The following PAAF1 variants were observed in gnomAD, a reference collection of about 807,000 sequenced individuals.
PAAF1 encodes the protein proteasomal ATPase associated factor 1, also known as proteasomal ATPase-associated factor 1.
A neutral mutation model predicts 52.8 loss-of-function variants in PAAF1; 46 were observed. The observed-to-expected ratio is 0.87, with a 90% CI of 0.69 to 1.11. The LOEUF is 1.11. Ranked by LOEUF, PAAF1 falls within the 50% of genes most tolerant of loss-of-function variation. The pLI, the probability that PAAF1 is intolerant of heterozygous loss-of-function variation, is 0.00. For synonymous variants in PAAF1, 178 were observed against 172.8 expected (o/e 1.03, Z -0.24); for missense variants, 424 against 477.4 (o/e 0.89, Z 1.04).
intron 4 of PAAF1, among the ~76,000 whole-genome samples, chr11:73,897,902 T>C (rs1275232428): frequency 6.6e-6 from 1 of 152,028 alleles, no homozygotes. Context: ...CATTGAGCAC[T>C]GAGTGAACGA....
At chr11:73,897,721 C>T (rs1565134792) in intron 4 of PAAF1, among the ~76,000 whole-genome samples, 1 of 151,934 alleles carries the variant, frequency 6.6e-6, no homozygotes, top group African/African-American at 2.4e-5. Flanking sequence ...CAGAGGGGCT[C>T]CTCACATCCC....
intron 4 of PAAF1, among the ~76,000 whole-genome samples, chr11:73,892,315 A>G (rs1949221730): frequency 7.0e-6 from 1 of 142,522 alleles, no homozygotes; most frequent in South Asian, 2.3e-4. Flanking sequence ...AGAATGAGAC[A>G]CTGTCTCACC....
Position 73,887,423 on chromosome 11 carries a change from C to T in PAAF1, c.158C>T (p.Ala53Val), listed in dbSNP as rs17850051. 4.3e-6 allele frequency: 7 copies of T among 1,609,564 alleles called. No homozygotes were observed. In the African/African-American group the frequency reaches 8.0e-5, roughly 18 times the overall value. ...IGLDGIPEVT[A>V]SEGFTVNEIN... ...CTAGATGGCATCCCAGAGGTTACAG[C>T]TTCAGAAGGATTTACTGTGAATGAA... Residue 53 changes from alanine (A) to valine (V), a missense_variant, in exon 3 of 12, where the codon GCT becomes GTT. Transcript: ENST00000310571.
intron 4 of PAAF1, among the ~76,000 whole-genome samples, chr11:73,897,801 A>G (rs907825915): frequency 1.3e-5 from 2 of 152,142 alleles, no homozygotes; most frequent in African/African-American, 4.8e-5. Context: ...AGAGGCTGCA[A>G]TCTCGGCACT....
chr11:73,901,729 C>G (rs1401083598), intron 6 of PAAF1, among the ~76,000 whole-genome samples: 2 of 152,080 alleles, frequency 1.3e-5, no homozygotes, highest in East Asian at 3.9e-4. Flanking sequence ...CGCCCCACAC[C>G]TGGCTAATTT....
intron 9 of PAAF1, among the ~76,000 whole-genome samples, chr11:73,918,688 G>A (rs1950136087): frequency 6.6e-6 from 1 of 151,756 alleles, no homozygotes; most frequent in Admixed American, 6.6e-5. Context: ...TGCTAATATT[G>A]TTATCTTCAA....
At chr11:73,885,882 A>C (rs1343019995) in intron 2 of PAAF1, among the ~76,000 whole-genome samples, 1 of 151,898 alleles carries the variant, frequency 6.6e-6, no homozygotes, top group Non-Finnish European at 1.5e-5. Flanking sequence ...TCTTGTGTGA[A>C]TCCATGATGA....
intron 4 of PAAF1, among the ~76,000 whole-genome samples, chr11:73,895,013 A>G (rs1949305985): frequency 6.6e-6 from 1 of 152,114 alleles, no homozygotes; most frequent in Non-Finnish European, 1.5e-5. Flanking sequence ...CTCCTTTTCT[A>G]TTTCTTATTC....
intron 11 of PAAF1, 101 bp from the exon 12 acceptor site, chr11:73,927,184 C>T (rs1339882970): frequency 4.5e-6 from 4 of 885,428 alleles, no homozygotes; most frequent in Non-Finnish European, 7.4e-6. Context: ...ATAAAGCCTT[C>T]TCAGACTCCA....
chr11:73,906,212 C>T (rs1048964383), intron 6 of PAAF1, among the ~76,000 whole-genome samples: 2 of 152,142 alleles, frequency 1.3e-5, no homozygotes, highest in South Asian at 2.1e-4. Context: ...TTACATTTAC[C>T]TAACAACCGT....
intron 6 of PAAF1, among the ~76,000 whole-genome samples, chr11:73,908,361 GTATA>G (rs528147180): frequency 1.5e-5 from 2 of 136,800 alleles, no homozygotes; most frequent in African/African-American, 6.0e-5. Flanking sequence ...ATATATGTGT[GTATA>G]TATATATGTA....
intron 8 of PAAF1, among the ~76,000 whole-genome samples, chr11:73,916,247 ATTT>A (rs1215480948): frequency 6.6e-6 from 1 of 152,104 alleles, no homozygotes; most frequent in Non-Finnish European, 1.5e-5. Flanking sequence ...CAAAGAAGGA[ATTT>A]TGGTGGTGAG....
chr11:73,919,077 G>C (rs758147099), intron 10 of PAAF1, 45 bp downstream of exon 10: 4 of 1,518,840 alleles, frequency 2.6e-6, no homozygotes, highest in Non-Finnish European at 3.6e-6. Context: ...CTGTAGTTCA[G>C]TTAATTAAAC....
At chr11:73,924,812 G>C in intron 11 of PAAF1, 115 bp downstream of exon 11, 3 of 777,062 alleles carry the variant, frequency 3.9e-6, no homozygotes, top group Non-Finnish European at 6.4e-6. Context: ...AGTGCTTATT[G>C]TATAAGCAGT....
chr11:73,910,266 C>T (rs552400625), intron 7 of PAAF1, among the ~76,000 whole-genome samples: 29 of 152,130 alleles, frequency 1.9e-4, no homozygotes, highest in African/African-American at 6.5e-4. Flanking sequence ...TTCAGAGGGA[C>T]GGAGTGTTCC....
chr11:73,879,264 T>C (rs1948827333), intron 2 of PAAF1: 1 of 152,420 alleles, frequency 6.6e-6, no homozygotes, highest in Non-Finnish European at 1.5e-5. Context: ...AAAACCAAGC[T>C]AAGTACATTT....
chr11:73,904,735 AAACT>A (rs1949714507), intron 6 of PAAF1, among the ~76,000 whole-genome samples: 1 of 151,428 alleles, frequency 6.6e-6, no homozygotes, highest in African/African-American at 2.4e-5. Flanking sequence ...TATGATAGAG[AAACT>A]AAATAAATAC....
In PAAF1 at chr11:73,900,414, A is replaced by C; in HGVS notation, c.526A>C (p.Lys176Gln). The change falls in exon 6 of 12, where the codon AAA becomes CAA. Residue 176 changes from lysine (K) to glutamine (Q), a missense_variant. Coordinates refer to ENST00000310571, the MANE Select transcript of PAAF1 (RefSeq NM_025155.3). ...CTGCGTGGTGACCTTCAAAGGTCAC[A>C]AAGGAGGTATGAAGTGTGCTTTCTC... ...ASCVVTFKGHKGGILDTAIVD... is the reference protein window; with the variant it reads ...ASCVVTFKGHQGGILDTAIVD... The C allele has an allele frequency of 1.9e-6, 3 of 1,606,436 alleles. No individual in the cohort carries two copies. In the South Asian group the frequency reaches 3.3e-5, roughly 18 times the overall value.
intron 2 of PAAF1, among the ~76,000 whole-genome samples, chr11:73,884,709 T>A (rs1949011670): frequency 6.6e-6 from 1 of 152,162 alleles, no homozygotes; most frequent in South Asian, 2.1e-4. Context: ...GTGAAAAGCG[T>A]CTTTACTAGG....
Sources: gnomAD v4.1 joint callset for allele counts (sites outside exome capture counted in the v4.1 genomes callset) on GRCh38, gnomAD v4.1.1 for gene constraint, MANE v1.5 for transcripts, NCBI Gene and HGNC (gene_info 2026-07-23, HGNC 2026-07-21) for gene names.